The following MORC1 variants were observed in gnomAD, a reference collection of about 807,000 sequenced individuals.
MORC1 encodes the protein MORC family CW-type zinc finger 1.
In MORC1, 59 loss-of-function variants were observed where a neutral mutation model predicts 134.9. The observed-to-expected ratio is 0.44, with a 90% CI of 0.35 to 0.54. MORC1 has a LOEUF of 0.54. MORC1 is among the 20% of genes least tolerant of loss of function. MORC1 has a pLI of 0.00. For missense variants in MORC1, 947 were observed against 1,134.5 expected (o/e 0.83, Z 2.37); for synonymous variants, 395 against 391.7 (o/e 1.01, Z -0.10).
intron 8 of MORC1, among the ~76,000 whole-genome samples, chr3:109,083,250 C>A (rs1950555744): frequency 6.6e-6 from 1 of 150,796 alleles, no homozygotes; most frequent in South Asian, 2.1e-4. Flanking sequence ...CCACCAGACC[C>A]ATCTTACAAG....
intron 4 of MORC1, 91 bp downstream of exon 4, chr3:109,103,757 TG>T (rs1950971949): frequency 1.7e-6 from 2 of 1,177,368 alleles, no homozygotes; most frequent in Middle Eastern, 2.0e-4. Context: ...GCTCCATACC[TG>T]TTTTTGCATA....
intron 4 of MORC1, among the ~76,000 whole-genome samples, chr3:109,101,207 T>C (rs1032239363): frequency 7.2e-5 from 11 of 152,198 alleles, no homozygotes; most frequent in Admixed American, 2.6e-4. Flanking sequence ...ACTTGGTGGG[T>C]GTTACCAAAT....
At chr3:109,059,005 A>G (rs2107678864) in intron 12 of MORC1, among the ~76,000 whole-genome samples, 1 of 152,242 alleles carries the variant, frequency 6.6e-6, no homozygotes, top group African/African-American at 2.4e-5. Context: ...TTTAAATTAC[A>G]ATTTCTATGA....
chr3:109,059,800 T>C lies in MORC1; in HGVS notation c.1031+6A>G. ...ATTCCTGCAAACAGAAAACCTTGTG[T>C]CTTACCTTTGTTTCTCTTTAAGATT... On this transcript the variant is annotated splice_donor_region_variant and intron_variant, in intron 12 of 27. Coordinates refer to ENST00000232603, the MANE Select transcript of MORC1 (RefSeq NM_014429.4). 1 of 1,610,738 alleles carries C rather than the reference T, an allele frequency of 6.2e-7. No individual in the cohort carries two copies. Among genetic ancestry groups the C allele is most frequent in the Non-Finnish European group, 8.5e-7 (1 of 1,178,064 alleles).
At chr3:108,988,890 T>A (rs1410140721) in intron 21 of MORC1, among the ~76,000 whole-genome samples, 4 of 152,202 alleles carry the variant, frequency 2.6e-5, no homozygotes, top group Non-Finnish European at 1.5e-5. Flanking sequence ...GGGCTGTTTT[T>A]CCTAGGATCA....
intron 9 of MORC1, 124 bp from the exon 10 acceptor site, chr3:109,063,355 A>G (rs1950125745): frequency 3.8e-6 from 2 of 530,088 alleles, no homozygotes; most frequent in South Asian, 4.4e-5. Context: ...TCATCGAGTG[A>G]GTTGCATCCA....
At chr3:109,112,462 T>C (rs1218508262) in intron 2 of MORC1, among the ~76,000 whole-genome samples, 4 of 152,232 alleles carry the variant, frequency 2.6e-5, no homozygotes, top group African/African-American at 4.8e-5. Flanking sequence ...TTAAGTCTGT[T>C]AAATAGCTTC....
intron 8 of MORC1, among the ~76,000 whole-genome samples, chr3:109,083,932 T>A (rs1452938157): frequency 6.6e-6 from 1 of 152,132 alleles, no homozygotes; most frequent in Non-Finnish European, 1.5e-5. Flanking sequence ...CAATTGATGA[T>A]GAAAAATCAT....
intron 16 of MORC1, among the ~76,000 whole-genome samples, chr3:109,030,139 C>T (rs1003531100): frequency 2.0e-5 from 3 of 152,082 alleles, no homozygotes; most frequent in South Asian, 2.1e-4. Flanking sequence ...GACAAGAAAC[C>T]GTATTTTCTG....
intron 24 of MORC1, among the ~76,000 whole-genome samples, chr3:108,972,298 T>C (rs1947405738): frequency 1.3e-5 from 2 of 152,210 alleles, no homozygotes; most frequent in Non-Finnish European, 2.9e-5. Flanking sequence ...AGTATTCTAA[T>C]GCTGACGTAT....
intron 14 of MORC1, among the ~76,000 whole-genome samples, chr3:109,051,392 G>C (rs1949824263): frequency 6.6e-6 from 1 of 152,178 alleles, no homozygotes; most frequent in African/African-American, 2.4e-5. Flanking sequence ...TTTTCAGATA[G>C]TCAAATATTA....
chr3:109,099,538 T>C (rs958058699), intron 5 of MORC1, 72 bp from the exon 6 acceptor site: 6 of 1,135,126 alleles, frequency 5.3e-6, no homozygotes, highest in African/African-American at 1.6e-5. Flanking sequence ...CAGACTGTTA[T>C]CACCGTGTAC....
chr3:109,096,371 T>C (rs1409312516), intron 6 of MORC1, among the ~76,000 whole-genome samples: 2 of 152,160 alleles, frequency 1.3e-5, no homozygotes, highest in Admixed American at 1.3e-4. Context: ...AAGACCCTGC[T>C]GACCCAGCTT....
intron 14 of MORC1, among the ~76,000 whole-genome samples, chr3:109,053,906 C>A (rs987513786): frequency 7.9e-5 from 12 of 152,084 alleles, no homozygotes; most frequent in Non-Finnish European, 2.9e-5. Context: ...TTTTAAGTTT[C>A]CAGATGTATT....
At chr3:109,080,567 T>C (rs886631870) in intron 8 of MORC1, among the ~76,000 whole-genome samples, 1 of 152,138 alleles carries the variant, frequency 6.6e-6, no homozygotes, top group Non-Finnish European at 1.5e-5. Flanking sequence ...GTTATAAAAC[T>C]CCATTCAATT....
intron 21 of MORC1, among the ~76,000 whole-genome samples, chr3:108,997,546 G>A (rs947312544): frequency 1.1e-4 from 17 of 152,030 alleles, no homozygotes; most frequent in African/African-American, 3.6e-4. Flanking sequence ...ATAAAAAATT[G>A]CTTCAACAGA....
chr3:108,976,667 T>C (rs1947572480), intron 24 of MORC1, among the ~76,000 whole-genome samples: 2 of 152,190 alleles, frequency 1.3e-5, no homozygotes, highest in Admixed American at 1.3e-4. Context: ...TTTTTTATCA[T>C]AGAATATTTT....
At chr3:108,968,766 A>G (rs1333765797) in intron 26 of MORC1, among the ~76,000 whole-genome samples, 1 of 152,122 alleles carries the variant, frequency 6.6e-6, no homozygotes, top group Non-Finnish European at 1.5e-5. Context: ...ACTAATATGG[A>G]GCTAGTGATT....
At chr3:109,001,020 C>A (rs1948389390) in intron 20 of MORC1, among the ~76,000 whole-genome samples, 1 of 152,150 alleles carries the variant, frequency 6.6e-6, no homozygotes, top group African/African-American at 2.4e-5. Context: ...ATTCATTTTT[C>A]AAGTGCTTAT....
Sources: allele counts gnomAD v4.1 joint callset (sites outside exome capture counted in the v4.1 genomes callset), GRCh38; gene constraint gnomAD v4.1.1; transcripts MANE v1.5; gene names NCBI Gene and HGNC (gene_info 2026-07-23, HGNC 2026-07-21).